CCDC110: variants seen among roughly 807,000 people sequenced by gnomAD.
The protein encoded by CCDC110 is coiled-coil domain-containing protein 110.
CCDC110 carries 70 observed loss-of-function variants against 77.1 expected under a neutral mutation model. The ratio of observed to expected loss-of-function variants is 0.91; its 90% CI spans 0.75 to 1.11. The LOEUF is 1.11. Among genes scored for constraint, CCDC110 ranks in the 50% least tolerant of loss-of-function variants. The probability of loss-of-function intolerance (pLI) is 0.00; values close to 1 mark genes in which losing one functional copy is unlikely to be tolerated. For synonymous variants in CCDC110, 295 were observed against 312.5 expected (o/e 0.94, Z 0.59); for missense variants, 868 against 942.9 (o/e 0.92, Z 1.04).
At position 185,468,928 on chromosome 4, in the gene CCDC110, G is replaced by A. The variant is rs553202565; in HGVS notation, c.115+2017C>T. Among the ~76,000 whole-genome samples the A allele has an allele frequency of 1.4e-4, 21 of 152,348 alleles. No individual in the cohort carries two copies. The highest frequency in any genetic ancestry group is 1.2e-3 in the Admixed American group (18 of 15,300). On this transcript the variant is annotated intron_variant, in intron 2 of 6. Transcript: ENST00000307588. This position sits in a 1 kb window ranked among gnomAD's most constrained non-coding sequence, Gnocchi z 4.5. The stretch of plus-strand genomic sequence containing the variant: ...TGTTGGATCCCCAGCACCTAGAACA[G>A]CACTTGAAACTTAGCAGGTGCTCAA...
At chr4:185,470,099 T>G (rs1032933047) in intron 2 of CCDC110, among the ~76,000 whole-genome samples, 1 of 152,248 alleles carries the variant, frequency 6.6e-6, no homozygotes, top group Non-Finnish European at 1.5e-5. Context: ...ATTCATAATT[T>G]ATGTGGTGCT....
Position 185,458,809 on chromosome 4 carries a change from T to C in CCDC110, c.1778A>G (p.His593Arg). 6.2e-7 allele frequency: 1 copy of C among 1,609,340 alleles called. No individual in the cohort carries two copies. The highest frequency in any genetic ancestry group is 1.1e-5 in the South Asian group (1 of 89,640). The change falls in exon 6 of 7, where the codon CAC becomes CGC. Residue 593 changes from histidine to arginine, a missense_variant. Physicochemically the swap from His to Arg is conservative, Grantham distance 29. Transcript: ENST00000307588. ...TGAGCTTTTTTCTTTTAGAAGCTGG[T>C]GTGTTTTTTTCTCTAACATTTCTTT... ...DEKEMLEKKT[H>R]QLLKEKSSLG...
chr4:185,465,468 C>A (rs570478875), intron 2 of CCDC110, among the ~76,000 whole-genome samples: 1 of 152,068 alleles, frequency 6.6e-6, no homozygotes, highest in Non-Finnish European at 1.5e-5. Context: ...TTGGCCTCAC[C>A]GTGATTGCAC....
chr4:185,467,332 C>T (rs980488607), intron 2 of CCDC110, among the ~76,000 whole-genome samples: 5 of 152,212 alleles, frequency 3.3e-5, no homozygotes, highest in African/African-American at 7.2e-5. Flanking sequence ...TCAGAGACAT[C>T]GGCTGCTACT....
At chr4:185,451,435 T>C (rs2095629089) in intron 6 of CCDC110, among the ~76,000 whole-genome samples, 1 of 152,192 alleles carries the variant, frequency 6.6e-6, no homozygotes, top group Admixed American at 6.5e-5. Context: ...TAGCTGGCTT[T>C]TGAAGGAGGA....
intron 2 of CCDC110, among the ~76,000 whole-genome samples, chr4:185,466,492 G>A (rs1012276797): frequency 6.6e-6 from 1 of 152,218 alleles, no homozygotes; most frequent in African/African-American, 2.4e-5. Context: ...TGGTGGGCAT[G>A]GAGGATAGGT....
chr4:185,459,539 T>C lies in CCDC110; in HGVS notation c.1048A>G (p.Arg350Gly). ...CKKLSKSEMHRGKKNEKNNKE... is the reference protein window; with the variant it reads ...CKKLSKSEMHGGKKNEKNNKE... ...TTGTTTTTCTCATTTTTCTTTCCCC[T>C]GTGCATTTCACTCTTAGATAACTTT... The change falls in exon 6 of 7, where the codon AGG (arginine) becomes GGG (glycine). Residue 350 changes from arginine to glycine, a missense_variant. Physicochemically the swap from Arg to Gly is moderately radical, Grantham distance 125. Transcript: ENST00000307588. The C allele has an allele frequency of 6.2e-7, 1 of 1,612,910 alleles. No homozygotes were observed. The highest frequency in any genetic ancestry group is 8.5e-7 in the Non-Finnish European group (1 of 1,179,354).
intron 6 of CCDC110, chr4:185,449,921 T>G (rs2095626203): frequency 4.0e-6 from 1 of 252,652 alleles, no homozygotes; most frequent in African/African-American, 2.2e-5. Context: ...TGTCATTTGC[T>G]TTTACTGCTA....
chr4:185,469,987 G>A (rs148431325), intron 2 of CCDC110, among the ~76,000 whole-genome samples: 476 of 152,228 alleles, frequency 3.1e-3, no homozygotes, highest in Non-Finnish European at 5.8e-3. Context: ...TCCTTCCCCG[G>A]CATGTCCCCT....
chr4:185,445,238 A>G lies in CCDC110; in HGVS notation c.*264T>C, dbSNP rs1045791871. On this transcript the variant is annotated 3_prime_UTR_variant, in exon 7 of 7. Coordinates refer to ENST00000307588, the MANE Select transcript of CCDC110 (RefSeq NM_152775.4). ...TTATATATACTTTTTTAAATGACAA[A>G]TGTGGGTGACTTTAGACATCTCAGC... 64 of 1,017,810 alleles carry G rather than the reference A, an allele frequency of 6.3e-5. No individual in the cohort carries two copies. Among genetic ancestry groups the G allele is most frequent in the Non-Finnish European group, 7.9e-5 (56 of 707,126 alleles). The allele number at this position is 1,017,810 out of a possible 1,614,324, so 63.0% of individuals were successfully genotyped here.
chr4:185,458,885 T>C lies in CCDC110; in HGVS notation c.1702A>G (p.Ser568Gly). Residue 568 changes from serine (S) to glycine (G), a missense_variant, in exon 6 of 7, where the codon AGT becomes GGT. Coordinates refer to ENST00000307588, the MANE Select transcript of CCDC110 (RefSeq NM_152775.4). ...GTTTTCATTGCTTCCATTTCTATAC[T>C]CATTCGATTATTTTCATTATTTACA... ...AIVNNENNRM[S>G]IEMEAMKTNI... 1.2e-6 allele frequency: 2 copies of C among 1,606,602 alleles called. No homozygotes were observed. Among genetic ancestry groups the C allele is most frequent in the Non-Finnish European group, 1.7e-6 (2 of 1,178,434 alleles).
intron 6 of CCDC110, among the ~76,000 whole-genome samples, chr4:185,455,656 G>A (rs1311566522): frequency 2.0e-5 from 3 of 152,192 alleles, no homozygotes; most frequent in African/African-American, 7.2e-5. Flanking sequence ...GGCCGAGGCA[G>A]GTGGATCACC....
intron 6 of CCDC110, 178 bp downstream of exon 6, chr4:185,457,948 T>A (rs2095638482): frequency 1.6e-6 from 1 of 618,568 alleles, no homozygotes; most frequent in South Asian, 3.7e-5. Context: ...CAAAATAATA[T>A]ATATTTTATC....
At chr4:185,469,323 T>A (rs1346468285) in intron 2 of CCDC110, among the ~76,000 whole-genome samples, 1 of 152,236 alleles carries the variant, frequency 6.6e-6, no homozygotes, top group Non-Finnish European at 1.5e-5. Context: ...TGGTGTTTAT[T>A]AAGAACCTGT....
chr4:185,450,187 T>A (rs938256322), intron 6 of CCDC110, among the ~76,000 whole-genome samples: 3 of 152,202 alleles, frequency 2.0e-5, no homozygotes, highest in Non-Finnish European at 4.4e-5. Context: ...ACATGCCCTG[T>A]ATTTGTGACT....
At chr4:185,463,133 T>C (rs2095649442) in intron 2 of CCDC110, 84 bp from the exon 3 acceptor site, 3 of 997,222 alleles carry the variant, frequency 3.0e-6, no homozygotes, top group Non-Finnish European at 4.7e-6. Context: ...GTCTCCTAAC[T>C]TGCTTGGATA....
intron 2 of CCDC110, chr4:185,470,465 C>G (rs1439618960): frequency 2.9e-6 from 1 of 339,918 alleles, no homozygotes; most frequent in African/African-American, 2.2e-5. Context: ...AAAATTTTCC[C>G]CCCTGAATAT....
chr4:185,463,966 A>G (rs900941001), intron 2 of CCDC110, among the ~76,000 whole-genome samples: 1 of 152,172 alleles, frequency 6.6e-6, no homozygotes, highest in Admixed American at 6.5e-5. Flanking sequence ...TAATAGGCAG[A>G]ATGTCACTTG....
chr4:185,449,597 G>A (rs938221559), intron 6 of CCDC110: 1 of 1,535,790 alleles, frequency 6.5e-7, no homozygotes, highest in Non-Finnish European at 8.8e-7. Context: ...CAATTTTAGG[G>A]CACTAAATTC....
Sources: gnomAD v4.1 joint callset for allele counts (sites outside exome capture counted in the v4.1 genomes callset) on GRCh38, gnomAD v4.1.1 for gene constraint, Gnocchi (gnomAD v3.1) non-coding constraint, MANE v1.5 for transcripts, NCBI Gene and HGNC (gene_info 2026-07-23, HGNC 2026-07-21) for gene names.